Variants in PAPPA observed in about 807,000 individuals in gnomAD.
PAPPA encodes the protein pappalysin-1.
In PAPPA, 60 loss-of-function variants were observed where a neutral mutation model predicts 164.0. That is an observed-to-expected ratio of 0.37 (90% CI 0.30 to 0.45). PAPPA has a LOEUF of 0.45. Among genes scored for constraint, PAPPA ranks in the 20% least tolerant of loss-of-function variants. The pLI is 1.00. For missense variants in PAPPA, 1,782 were observed against 2,087.3 expected (o/e 0.85, Z 2.85); for synonymous variants, 875 against 814.1 (o/e 1.07, Z -1.27).
chr9:116,362,453 C>T, intron 17 of PAPPA, 139 bp from the exon 18 acceptor site: 1 of 866,392 alleles, frequency 1.2e-6, no homozygotes, highest in East Asian at 2.8e-5. Flanking sequence ...GGTTGAGTTT[C>T]AACCATTGTT....
At position 116,334,895 on chromosome 9, in the gene PAPPA, G is replaced by T; in HGVS notation, c.3432G>T (p.Leu1144=). The change falls in exon 13 of 22, where the codon CTG becomes CTT. Residue 1144 remains leucine (L), a synonymous_variant. Coordinates refer to ENST00000328252, the MANE Select transcript of PAPPA (RefSeq NM_002581.5). ...TCCTGAGCTGCAGGAACAATCCCCT[G>T]ATTATCCCTGTGGTCCATGACCTCA... ...LHVLSCRNNP[L]IIPVVHDLSQ... The T allele has an allele frequency of 3.1e-6, 5 of 1,613,856 alleles. No individual in the cohort carries two copies. The highest frequency in any genetic ancestry group is 4.2e-6 in the Non-Finnish European group (5 of 1,179,986).
intron 2 of PAPPA, among the ~76,000 whole-genome samples, chr9:116,191,692 A>T (rs1266343037): frequency 6.6e-6 from 1 of 152,170 alleles, no homozygotes; most frequent in Non-Finnish European, 1.5e-5. Context: ...AATCAGCTGG[A>T]GGGGGCAAGA....
chr9:116,175,204 A>G (rs1843819299), intron 1 of PAPPA, among the ~76,000 whole-genome samples: 1 of 152,206 alleles, frequency 6.6e-6, no homozygotes. Context: ...ATGATGTAAC[A>G]AGGACCGCCA....
At chr9:116,225,450 A>T (rs1172632959) in intron 5 of PAPPA, among the ~76,000 whole-genome samples, 1 of 152,240 alleles carries the variant, frequency 6.6e-6, no homozygotes, top group Admixed American at 6.5e-5. Flanking sequence ...TCCATTGCCC[A>T]GAAATTGCTG....
intron 15 of PAPPA, 86 bp from the exon 16 acceptor site, chr9:116,352,620 A>G: frequency 9.6e-7 from 1 of 1,040,640 alleles, no homozygotes. Flanking sequence ...TGGTTCTTCA[A>G]GTCAGCTAAA....
chr9:116,296,052 T>A (rs1257021995), intron 9 of PAPPA, among the ~76,000 whole-genome samples: 1 of 152,232 alleles, frequency 6.6e-6, no homozygotes, highest in Non-Finnish European at 1.5e-5. Context: ...TGCTCATTCA[T>A]TGCTGAAATA....
chr9:116,376,661 T>C (rs1846657334), intron 19 of PAPPA, among the ~76,000 whole-genome samples: 1 of 152,216 alleles, frequency 6.6e-6, no homozygotes, highest in African/African-American at 2.4e-5. Flanking sequence ...TTATTATTTT[T>C]AAAGAGGAGG....
intron 9 of PAPPA, among the ~76,000 whole-genome samples, chr9:116,279,465 G>A (rs1845241682): frequency 6.6e-6 from 1 of 152,092 alleles, no homozygotes; most frequent in Non-Finnish European, 1.5e-5. Context: ...ACCCCACAGA[G>A]AGGCAGGGCT....
chr9:116,201,336 G>A (rs550050764), intron 2 of PAPPA, among the ~76,000 whole-genome samples: 3 of 152,258 alleles, frequency 2.0e-5, no homozygotes, highest in East Asian at 1.9e-4. Context: ...AAATTAAGTA[G>A]CGGTTCATGG....
chr9:116,308,968 G>A (rs1427646207), intron 10 of PAPPA, among the ~76,000 whole-genome samples: 1 of 152,142 alleles, frequency 6.6e-6, no homozygotes, highest in African/African-American at 2.4e-5. Context: ...GCACAAATAG[G>A]AAGAAGAAAC....
chr9:116,296,503 G>A (rs1587992179), intron 9 of PAPPA, among the ~76,000 whole-genome samples: 2 of 152,256 alleles, frequency 1.3e-5, no homozygotes, highest in Admixed American at 1.3e-4. Flanking sequence ...CAGAGATCTT[G>A]TCTGCCTGAT....
intron 21 of PAPPA, among the ~76,000 whole-genome samples, chr9:116,394,414 G>A (rs1846934779): frequency 6.6e-6 from 1 of 152,150 alleles, no homozygotes; most frequent in South Asian, 2.1e-4. Flanking sequence ...TCATGACAGT[G>A]GAGGGATTTT....
chr9:116,348,358 C>T (rs1303049813), intron 15 of PAPPA, among the ~76,000 whole-genome samples: 2 of 151,652 alleles, frequency 1.3e-5, no homozygotes, highest in Non-Finnish European at 2.9e-5. Context: ...GCCCTCCCAC[C>T]CTCATCTCAA....
At chr9:116,388,353 CAAAA>C (rs958843769) in intron 21 of PAPPA, among the ~76,000 whole-genome samples, 5 of 151,822 alleles carry the variant, frequency 3.3e-5, no homozygotes, top group Non-Finnish European at 7.4e-5. Context: ...CCCTTCATGA[CAAAA>C]AAAATTCAAT....
At chr9:116,176,052 C>A (rs913888398) in intron 1 of PAPPA, among the ~76,000 whole-genome samples, 2 of 152,166 alleles carry the variant, frequency 1.3e-5, no homozygotes, top group Non-Finnish European at 2.9e-5. Context: ...TGCTCATCAA[C>A]ACTTATACAC....
At chr9:116,304,801 A>G (rs1845623161) in intron 10 of PAPPA, among the ~76,000 whole-genome samples, 1 of 152,136 alleles carries the variant, frequency 6.6e-6, no homozygotes, top group African/African-American at 2.4e-5. Flanking sequence ...AAATCATCCT[A>G]TTGAATTATT....
intron 7 of PAPPA, among the ~76,000 whole-genome samples, chr9:116,254,717 G>A (rs1233075289): frequency 6.7e-6 from 1 of 149,182 alleles, no homozygotes; most frequent in Admixed American, 6.7e-5. Flanking sequence ...GGGAGGCGGA[G>A]CTTGCAGTGA....
At chr9:116,190,236 T>C (rs550429540) in intron 2 of PAPPA, among the ~76,000 whole-genome samples, 1 of 152,258 alleles carries the variant, frequency 6.6e-6, no homozygotes, top group African/African-American at 2.4e-5. Flanking sequence ...CAAACTAGAC[T>C]CCCAAGAGGT....
At chr9:116,257,999 G>C (rs1391357349) in intron 7 of PAPPA, among the ~76,000 whole-genome samples, 3 of 151,950 alleles carry the variant, frequency 2.0e-5, no homozygotes, top group Admixed American at 2.0e-4. Flanking sequence ...AAAATGCTTA[G>C]AGTAAGGCAT....
Sources: allele counts gnomAD v4.1 joint callset (sites outside exome capture counted in the v4.1 genomes callset), GRCh38; gene constraint gnomAD v4.1.1; transcripts MANE v1.5; gene names NCBI Gene and HGNC (gene_info 2026-07-23, HGNC 2026-07-21).